Variants in SPTB observed in about 807,000 individuals in gnomAD.
The protein encoded by SPTB is spectrin beta chain, erythrocytic.
SPTB carries 45 observed loss-of-function variants against 256.2 expected under a neutral mutation model. The observed-to-expected ratio is 0.18, with a 90% confidence interval of 0.14 to 0.23. The LOEUF (loss-of-function observed/expected upper bound fraction) is 0.23. Among genes scored for constraint, SPTB ranks in the 10% least tolerant of loss-of-function variants. SPTB has a pLI of 1.00. For synonymous variants in SPTB, 1,231 were observed against 1,243.1 expected (o/e 0.99, Z 0.21); for missense variants, 2,715 against 3,040.4 (o/e 0.89, Z 2.52).
intron 1 of SPTB, among the ~76,000 whole-genome samples, chr14:64,830,922 C>T (rs1328045231): frequency 6.6e-6 from 1 of 152,194 alleles, no homozygotes; most frequent in Non-Finnish European, 1.5e-5. Context: ...GATATTTTAG[C>T]TACCTCTCCC....
rs2083805637 is a variant in SPTB at position 64,852,594 on chromosome 14, T to C, written c.-52+27198A>G. Among the ~76,000 whole-genome samples, 1 of 152,072 alleles carries C rather than the reference T, an allele frequency of 6.6e-6. No individual in the cohort carries two copies. Among genetic ancestry groups the C allele is most frequent in the African/African-American group, 2.4e-5 (1 of 41,406 alleles). The stretch of plus-strand genomic sequence containing the variant: ...AGACTCAGGACTTTGGTAGCCAAGA[T>C]GGTGGGGAGCAATCAGCTTACAAAA... On this transcript the variant is annotated intron_variant, in intron 1 of 35. Transcript: ENST00000644917. The surrounding 1 kb of genome is among the most constrained non-coding windows in gnomAD (Gnocchi z 4.2).
rs1443066116 is a variant in SPTB at position 64,747,943 on chromosome 14, G to A, written c.*1363C>T. Reference sequence around the variant, plus strand: ...TTCTCTTCCTCCAGAAGTATGACCTGAGCAGCAAGGGGAAGGCCATTCCTG... The same window carrying A: ...TTCTCTTCCTCCAGAAGTATGACCTAAGCAGCAAGGGGAAGGCCATTCCTG... On this transcript the variant is annotated 3_prime_UTR_variant, in exon 36 of 36. Coordinates refer to ENST00000644917, the MANE Select transcript of SPTB (RefSeq NM_001355436.2). 6.6e-6 allele frequency: 1 copy of A among 152,244 alleles called. No homozygotes were observed. Among genetic ancestry groups the A allele is most frequent in the Non-Finnish European group, 1.5e-5 (1 of 68,134 alleles). The allele number at this position is 152,244 out of a possible 1,614,324, so 9.4% of individuals were successfully genotyped here.
chr14:64,846,059 A>G (rs1440842099), intron 1 of SPTB, among the ~76,000 whole-genome samples: 1 of 152,224 alleles, frequency 6.6e-6, no homozygotes, highest in Non-Finnish European at 1.5e-5. Flanking sequence ...TAGAAGCTAC[A>G]TTCCTGTATC....
chr14:64,761,453 C>T (rs574722201), intron 32 of SPTB, among the ~76,000 whole-genome samples: 1 of 152,124 alleles, frequency 6.6e-6, no homozygotes, highest in South Asian at 2.1e-4. Context: ...GGATTGCAGG[C>T]CAAGGGATGG....
rs1174837300 is a variant in SPTB at position 64,853,674 on chromosome 14, G to A, written c.-52+26118C>T. On this transcript the variant is annotated intron_variant, in intron 1 of 35. Coordinates refer to ENST00000644917, the MANE Select transcript of SPTB (RefSeq NM_001355436.2). The surrounding 1 kb of genome is among the most constrained non-coding windows in gnomAD (Gnocchi z 4.3). ...AGCAGACAGGCATGCAGGGCCAAGG[G>A]ACAGTTGTATTCAATGGGAAAGACC... Among the ~76,000 whole-genome samples, 1 of 152,170 alleles carries A rather than the reference G, an allele frequency of 6.6e-6. No individual in the cohort carries two copies. The highest frequency in any genetic ancestry group is 2.4e-5 in the African/African-American group (1 of 41,434).
intron 23 of SPTB, among the ~76,000 whole-genome samples, chr14:64,774,782 A>G (rs538376664): frequency 6.6e-4 from 100 of 152,140 alleles, no homozygotes; most frequent in African/African-American, 2.4e-3. Context: ...CCCTGTCCCC[A>G]TGAAAACATC....
At position 64,790,131 on chromosome 14, in the gene SPTB, G is replaced by A. The variant is rs1017137200; in HGVS notation, c.2804+1588C>T. 1.3e-4 allele frequency among the ~76,000 whole-genome samples: 20 copies of A among 152,254 alleles called. No homozygotes were observed. The Middle Eastern group carries it at 0.017, about 129-fold the overall frequency. ...TTGCCCAAAAATGAGATAGGCTGCC[G>A]GGTGAGGGAGTGAGTTCCCCATCAC... On this transcript the variant is annotated intron_variant, in intron 15 of 35. Transcript: ENST00000644917. The surrounding 1 kb of genome is among the most constrained non-coding windows in gnomAD (Gnocchi z 4.8).
intron 33 of SPTB, chr14:64,752,386 A>G: frequency 1.7e-6 from 1 of 602,782 alleles, no homozygotes; most frequent in South Asian, 1.6e-5. Context: ...TCAGAGAGAG[A>G]AACTGACCCA....
chr14:64,850,512 C>A (rs149030529), intron 1 of SPTB, among the ~76,000 whole-genome samples: 27 of 152,336 alleles, frequency 1.8e-4, no homozygotes, highest in Non-Finnish European at 3.4e-4. Flanking sequence ...CTCACAAGGG[C>A]CCCCTCACAA....
Position 64,802,324 on chromosome 14 carries a change from G to A in SPTB, c.475-7C>T, listed in dbSNP as rs2082901989. The A allele has an allele frequency of 1.2e-6, 2 of 1,613,872 alleles. No homozygotes were observed. Among genetic ancestry groups the A allele is most frequent in the Non-Finnish European group, 1.7e-6 (2 of 1,179,816 alleles). ...GGACCACAATGTCCTGAATCTGAGG[G>A]TAGCAGAACAAGAGAGATTTGAAGA... On this transcript the variant is annotated splice_polypyrimidine_tract_variant and splice_region_variant and intron_variant, in intron 4 of 35. Transcript: ENST00000644917. This position sits in a 1 kb window ranked among gnomAD's most constrained non-coding sequence, Gnocchi z 5.1.
rs1280386314 is a variant in SPTB at position 64,767,875 on chromosome 14, G to T, written c.6023-16C>A. The T allele has an allele frequency of 1.2e-6, 2 of 1,613,004 alleles. No homozygotes were observed. The highest frequency in any genetic ancestry group is 1.7e-5 in the Admixed American group (1 of 59,978). On this transcript the variant is annotated splice_polypyrimidine_tract_variant and intron_variant, in intron 29 of 35. Coordinates refer to ENST00000644917, the MANE Select transcript of SPTB (RefSeq NM_001355436.2). ...ACCTCCAGCACTGCCAGGGGGAACA[G>T]GACACAGACCCCCCACAAGGCCCAG... is the stretch of plus-strand genomic sequence containing the variant.
chr14:64,803,726 C>A lies in SPTB; in HGVS notation c.355G>T (p.Ala119Ser), dbSNP rs1278859505. ...RIHCLENVDK[A>S]LQFLKEQRVH... ...CGCTGCTCCTTGAGGAACTGGAGAG[C>A]CTTGTCCACATTCTCCAGGCAGTGG... Residue 119 changes from alanine (A) to serine (S), a missense_variant, in exon 4 of 36, where the codon GCT (alanine) becomes TCT (serine). Transcript: ENST00000644917. The A allele has an allele frequency of 6.2e-7, 1 of 1,614,092 alleles. No homozygotes were observed. The highest frequency in any genetic ancestry group is 1.1e-5 in the South Asian group (1 of 91,074).
rs746555917 is a variant in SPTB, at chr14:64,771,144, A to T, written c.5554-15T>A. Reference sequence around the variant, plus strand: ...AACTGCTGCACCTGTGGTCAGGCAAAATCAGACATTGTTCCCTGGACATTG... The same window carrying T: ...AACTGCTGCACCTGTGGTCAGGCAATATCAGACATTGTTCCCTGGACATTG... On this transcript the variant is annotated splice_polypyrimidine_tract_variant and intron_variant, in intron 26 of 35. Transcript: ENST00000644917. The T allele has an allele frequency of 5.6e-6, 9 of 1,613,010 alleles. No homozygotes were observed. Among genetic ancestry groups the T allele is most frequent in the Middle Eastern group, 3.3e-4 (2 of 6,062 alleles).
At chr14:64,855,654 C>T (rs757114522) in intron 1 of SPTB, among the ~76,000 whole-genome samples, 4 of 152,118 alleles carry the variant, frequency 2.6e-5, no homozygotes, top group Non-Finnish European at 5.9e-5. Context: ...TAAGTGCTTC[C>T]GGATTTGGAT....
rs1218842389 is a variant in SPTB, at chr14:64,777,179, G to C, written c.4564-1776C>G. The stretch of plus-strand genomic sequence containing the variant: ...CAGAGATCTGGGGTTGAGTGTTCCT[G>C]GCAAGAGGACTGAACAAGTGCAAAG... On this transcript the variant is annotated intron_variant, in intron 22 of 35. Transcript: ENST00000644917. This position sits in a 1 kb window ranked among gnomAD's most constrained non-coding sequence, Gnocchi z 4.5. Among the ~76,000 whole-genome samples, 3 of 152,154 alleles carry C rather than the reference G, an allele frequency of 2.0e-5. No homozygotes were observed. In the East Asian group the frequency reaches 5.8e-4, roughly 29 times the overall value.
chr14:64,876,294 A>G lies in SPTB; in HGVS notation c.-52+3498T>C, dbSNP rs147533285. ...GTAGCTGGGATTACAGGTGCCCACC[A>G]CCACACCTGGCTAATTTTTGTATTT... On this transcript the variant is annotated intron_variant, in intron 1 of 35. Coordinates refer to ENST00000644917, the MANE Select transcript of SPTB (RefSeq NM_001355436.2). Among the ~76,000 whole-genome samples, 337 of 152,124 alleles carry G rather than the reference A, an allele frequency of 2.2e-3. 2 individuals are homozygous for G. Among genetic ancestry groups the G allele is most frequent in the African/African-American group, 7.8e-3 (325 of 41,492 alleles).
chr14:64,761,049 AG>A (rs2082086700), intron 32 of SPTB, among the ~76,000 whole-genome samples: 1 of 152,244 alleles, frequency 6.6e-6, no homozygotes, highest in African/African-American at 2.4e-5. Context: ...CAGAGCTGGA[AG>A]ACGGGCTTGG....
chr14:64,766,579 T>C (rs546493298), intron 32 of SPTB, 147 bp downstream of exon 32: 3 of 1,596,870 alleles, frequency 1.9e-6, no homozygotes, highest in Non-Finnish European at 2.6e-6. Context: ...CCTGCTCTGC[T>C]GGGAGGTGGC....
chr14:64,785,567 C>T lies in SPTB; in HGVS notation c.3825G>A (p.Glu1275=), dbSNP rs749921887. Residue 1275 remains glutamate (E), a synonymous_variant, in exon 18 of 36, where the codon GAG becomes GAA. Coordinates refer to ENST00000644917, the MANE Select transcript of SPTB (RefSeq NM_001355436.2). The surrounding 1 kb of genome is among the most constrained non-coding windows in gnomAD (Gnocchi z 4.4). ...GGCAGTTCTGGAGGAAGTTCTGTAG[C>T]TCCAGGTTGTCTCTCAGTAGGACAG... ...EASVLLRDNL[E]LQNFLQNCQE... is the part of the protein sequence containing the mutation. 1.9e-6 allele frequency: 3 copies of T among 1,613,938 alleles called. No individual in the cohort carries two copies. Among genetic ancestry groups the T allele is most frequent in the South Asian group, 1.1e-5 (1 of 91,034 alleles).
Sources: allele counts gnomAD v4.1 joint callset (sites outside exome capture counted in the v4.1 genomes callset), GRCh38; gene constraint gnomAD v4.1.1; non-coding constraint Gnocchi (gnomAD v3.1); transcripts MANE v1.5; gene names NCBI Gene and HGNC (gene_info 2026-07-23, HGNC 2026-07-21).